Variants in ACOT12 observed in about 807,000 individuals in gnomAD.
ACOT12 encodes acetyl-coenzyme A thioesterase.
A neutral mutation model predicts 67.7 loss-of-function variants in ACOT12; 51 were observed. The ratio of observed to expected loss-of-function variants is 0.75; its 90% confidence interval spans 0.60 to 0.95. The LOEUF is 0.95. Among genes scored for constraint, ACOT12 ranks in the 40% least tolerant of loss-of-function variants. The pLI, the probability that ACOT12 is intolerant of heterozygous loss-of-function variation, is 0.00. For synonymous variants in ACOT12, 251 were observed against 244.6 expected (o/e 1.03, Z -0.24); for missense variants, 734 against 708.1 (o/e 1.04, Z -0.41).
At chr5:81,311,726 A>T in the ACOT12 span, among the ~76,000 whole-genome samples, 1 of 152,046 alleles carries the variant, frequency 6.6e-6, no homozygotes, top group Non-Finnish European at 1.5e-5. Context: ...AAATATTAAA[A>T]ATGTGTTATC....
In ACOT12 at chr5:81,330,414, C is replaced by T. The variant is rs754595354; in HGVS notation, c.1648G>A (p.Gly550Arg). Reference sequence around the variant, plus strand: ...GACCTTTAAAATGTGCTTACAAACCCATCATCAGGAGGATTCTCTAAGAAC... The same window carrying T: ...GACCTTTAAAATGTGCTTACAAACCTATCATCAGGAGGATTCTCTAAGAAC... ...IQFLENPPDD[G>R]FVSTF Residue 550 changes from glycine to arginine, a missense_variant, in exon 15 of 15, where the codon GGG becomes AGG. By Grantham distance (125) the Gly-to-Arg change is moderately radical. Coordinates refer to ENST00000307624, the MANE Select transcript of ACOT12 (RefSeq NM_130767.3). 1.2e-5 allele frequency: 19 copies of T among 1,611,908 alleles called. No homozygotes were observed. In the East Asian group the frequency reaches 4.0e-4, roughly 34 times the overall value.
intron 5 of ACOT12, among the ~76,000 whole-genome samples, chr5:81,348,572 C>G (rs941765511): frequency 2.0e-5 from 3 of 152,018 alleles, no homozygotes; most frequent in African/African-American, 7.3e-5. Context: ...TCCTTCTGCT[C>G]TCTCTTTTTT....
At position 81,344,828 on chromosome 5, in the gene ACOT12, G is replaced by A. The variant is rs547198846; in HGVS notation, c.924+63C>T. On this transcript the variant is annotated intron_variant, in intron 8 of 14. Coordinates refer to ENST00000307624, the MANE Select transcript of ACOT12 (RefSeq NM_130767.3). ...AAAGAGGTTGTTGCCGGTGGGAGGA[G>A]ATTCTAGGTAGAGCTCTCTATTCAC... The A allele has an allele frequency of 2.3e-4, 370 of 1,581,184 alleles. No individual in the cohort carries two copies. In the African/African-American group the frequency reaches 4.4e-3, roughly 19 times the overall value.
rs369571404 is a variant in ACOT12 at position 81,374,275 on chromosome 5, CAG to C, written c.198-2467_198-2466del. 1.0e-3 allele frequency among the ~76,000 whole-genome samples: 158 copies of C among 152,280 alleles called. 1 individual carries two copies. Among genetic ancestry groups the C allele is most frequent in the African/African-American group, 3.6e-3 (149 of 41,550 alleles). ...GACTGTTAGAAGGAAGACTAACAAA[CAG>C]AAAGGAATAGCATCAACATCAACAA... is the stretch of plus-strand genomic sequence containing the variant. On this transcript the variant is annotated intron_variant, in intron 2 of 14. Coordinates refer to ENST00000307624, the MANE Select transcript of ACOT12 (RefSeq NM_130767.3).
At chr5:81,316,241 A>G in the ACOT12 span, among the ~76,000 whole-genome samples, 2 of 152,220 alleles carry the variant, frequency 1.3e-5, no homozygotes, top group African/African-American at 4.8e-5. Context: ...TTGTACAACC[A>G]TCGCCATTAA....
At chr5:81,335,643 A>C (rs1216946645) in intron 12 of ACOT12, 125 bp downstream of exon 12, 2 of 1,256,134 alleles carry the variant, frequency 1.6e-6, no homozygotes, top group African/African-American at 3.0e-5. Context: ...TGCTGGGTCA[A>C]ACTTCTAAAA....
At chr5:81,316,102 G>C in the ACOT12 span, among the ~76,000 whole-genome samples, 1 of 152,160 alleles carries the variant, frequency 6.6e-6, no homozygotes, top group Admixed American at 6.5e-5. Flanking sequence ...GTATCACACT[G>C]GAAAATTTAG....
intron 3 of ACOT12, among the ~76,000 whole-genome samples, chr5:81,371,146 T>C (rs1326963354): frequency 6.6e-6 from 1 of 152,198 alleles, no homozygotes; most frequent in East Asian, 1.9e-4. Flanking sequence ...AAAACCATGC[T>C]TTATAAAGAA....
chr5:81,313,177 TGATTCTC>T, the ACOT12 span: 1 of 152,284 alleles, frequency 6.6e-6, no homozygotes. Flanking sequence ...TCTGAATACT[TGATTCTC>T]GATTGAAATA....
intron 5 of ACOT12, among the ~76,000 whole-genome samples, chr5:81,348,198 T>G (rs905963364): frequency 3.3e-5 from 5 of 152,142 alleles, no homozygotes; most frequent in African/African-American, 1.2e-4. Flanking sequence ...GAATTTTGAC[T>G]AAAAGAATGG....
intron 4 of ACOT12, among the ~76,000 whole-genome samples, 172 bp from the exon 5 acceptor site, chr5:81,360,210 A>C (rs1189509095): frequency 6.6e-6 from 1 of 152,216 alleles, no homozygotes. Flanking sequence ...AATTATTTTT[A>C]AACTAAAAAA....
At chr5:81,349,192 C>T (rs1007562843) in intron 5 of ACOT12, among the ~76,000 whole-genome samples, 3 of 152,144 alleles carry the variant, frequency 2.0e-5, no homozygotes, top group Non-Finnish European at 4.4e-5. Context: ...TCACAGAAAC[C>T]CTTAATTCCA....
chr5:81,344,066 C>T lies in ACOT12; in HGVS notation c.980+94G>A, dbSNP rs139786382. On this transcript the variant is annotated intron_variant, in intron 9 of 14. Transcript: ENST00000307624. Reference sequence around the variant, plus strand: ...GGAAACATCAGACCTTCTCTTTTTCCGTTACGTGGGAATAGAGACCCAGAG... The same window carrying T: ...GGAAACATCAGACCTTCTCTTTTTCTGTTACGTGGGAATAGAGACCCAGAG... 4.2e-5 allele frequency: 58 copies of T among 1,394,906 alleles called. No individual in the cohort carries two copies. The Middle Eastern group carries it at 5.5e-4, about 13-fold the overall frequency. 86.4% of individuals were successfully genotyped at this position (1,394,906 alleles called of 1,614,324 possible). A position where few individuals can be genotyped will look rare whatever the true frequency, so the allele number is the denominator to read the frequency against.
In ACOT12 at chr5:81,330,362, A is replaced by G. The variant is rs1407838955; in HGVS notation, c.*32T>C. ...AAGGGTGCTTGGAATTAAAAGTGGG[A>G]AATTAAATTACCAGTAATTGAAAGT... On this transcript the variant is annotated 3_prime_UTR_variant, in exon 15 of 15. Transcript: ENST00000307624. 4 of 1,597,712 alleles carry G rather than the reference A, an allele frequency of 2.5e-6. No homozygotes were observed. In the Admixed American group the frequency reaches 6.9e-5, roughly 27 times the overall value.
At chr5:81,367,280 G>A (rs774563864) in intron 3 of ACOT12, among the ~76,000 whole-genome samples, 6 of 152,038 alleles carry the variant, frequency 3.9e-5, no homozygotes, top group Non-Finnish European at 8.8e-5. Flanking sequence ...GCAAATATGT[G>A]GGTATATATA....
chr5:81,315,963 T>A, the ACOT12 span, among the ~76,000 whole-genome samples: 1 of 152,198 alleles, frequency 6.6e-6, no homozygotes, highest in Non-Finnish European at 1.5e-5. Context: ...TGCTAGAATA[T>A]AATCTCCACG....
At chr5:81,370,311 C>T (rs2153856026) in intron 3 of ACOT12, among the ~76,000 whole-genome samples, 1 of 152,208 alleles carries the variant, frequency 6.6e-6, no homozygotes, top group South Asian at 2.1e-4. Context: ...AAAGTGACCA[C>T]ATCAGGGTAA....
intron 5 of ACOT12, 47 bp from the exon 6 acceptor site, chr5:81,347,977 C>A (rs1426523540): frequency 1.3e-6 from 2 of 1,562,558 alleles, no homozygotes; most frequent in South Asian, 1.2e-5. Flanking sequence ...GAACCATAGG[C>A]CCTGGGGCTC....
At chr5:81,334,308 A>G (rs1758925999) in intron 12 of ACOT12, among the ~76,000 whole-genome samples, 1 of 152,224 alleles carries the variant, frequency 6.6e-6, no homozygotes, top group South Asian at 2.1e-4. Flanking sequence ...GCCTGCAGAC[A>G]GCAAAACTGA....
Sources: gnomAD v4.1 joint callset for allele counts (sites outside exome capture counted in the v4.1 genomes callset) on GRCh38, gnomAD v4.1.1 for gene constraint, MANE v1.5 for transcripts, NCBI Gene and HGNC (gene_info 2026-07-23, HGNC 2026-07-21) for gene names.